TUT4: variants seen among roughly 807,000 people sequenced by gnomAD.
TUT4 encodes the protein terminal uridylyltransferase 4.
Under a neutral mutation model 192.2 loss-of-function variants are expected in TUT4, and 36 were observed. The observed-to-expected ratio is 0.19, with a 90% CI of 0.14 to 0.25. The LOEUF (loss-of-function observed/expected upper bound fraction) is 0.25, where lower values mean the gene tolerates loss of function less well. Ranked by LOEUF, TUT4 falls within the 10% of genes least tolerant of loss-of-function variation. TUT4 has a pLI of 1.00. For missense variants in TUT4, 1,493 were observed against 1,957.2 expected, an observed-to-expected ratio of 0.76 and a Z score of 4.47; for synonymous variants, 618 against 666.0, an observed-to-expected ratio of 0.93 and a Z score of 1.11.
chr1:52,481,411 A>T lies in TUT4; in HGVS notation c.1848+12T>A, dbSNP rs777519217. The T allele has an allele frequency of 6.2e-7, 1 of 1,612,484 alleles. No homozygotes were observed. The highest frequency in any genetic ancestry group is 2.2e-5 in the East Asian group (1 of 44,816). On this transcript the variant is annotated intron_variant, in intron 11 of 29. Transcript: ENST00000257177. ...GATAGAAAAGCCAAAAAACAAAAAC[A>T]AAAAGGCTTACTTTGCCATGTTTTT...
intron 1 of TUT4, among the ~76,000 whole-genome samples, chr1:52,552,013 A>AG (rs1689576949): frequency 6.6e-6 from 1 of 152,246 alleles, no homozygotes; most frequent in African/African-American, 2.4e-5. Context: ...AGATCACGAT[A>AG]GGGCAGGTCA....
At chr1:52,530,691 G>A (rs998071057) in intron 1 of TUT4, among the ~76,000 whole-genome samples, 8 of 152,060 alleles carry the variant, frequency 5.3e-5, no homozygotes, top group African/African-American at 9.7e-5. Context: ...AAGTTCTCTC[G>A]GAGGAGAGAG....
chr1:52,482,756 TA>T (rs1378193363), intron 9 of TUT4, among the ~76,000 whole-genome samples: 1 of 152,170 alleles, frequency 6.6e-6, no homozygotes, highest in Non-Finnish European at 1.5e-5. Flanking sequence ...TTTAAATGCT[TA>T]AATTATAGTC....
rs6669945 is a variant in TUT4, at chr1:52,431,209, G to A, written c.4515C>T (p.Ser1505=). 20,643 of 1,614,214 alleles carry A rather than the reference G, an allele frequency of 0.013. 432 individuals carry two copies. The highest frequency in any genetic ancestry group is 0.095 in the African/African-American group (7,143 of 75,046). ...PMHPLQIPAP[S]WPIHGPVIHS... is the part of the protein sequence containing the mutation. ...GGATCACTGGGCCATGGATGGGCCA[G>A]GACGGGGCAGGGATCTGGAGAGGGT... The change falls in exon 28 of 30, where the codon TCC becomes TCT. Residue 1505 remains serine (S), a synonymous_variant. Coordinates refer to ENST00000257177, the MANE Select transcript of TUT4 (RefSeq NM_001009881.3).
At chr1:52,425,618 G>T in intron 28 of TUT4, 111 bp from the exon 29 acceptor site, 1 of 1,289,042 alleles carries the variant, frequency 7.8e-7, no homozygotes, top group Non-Finnish European at 1.0e-6. Flanking sequence ...TAAGAACTAT[G>T]CTAAATTCAG....
chr1:52,479,356 A>C (rs1175126582), intron 11 of TUT4, among the ~76,000 whole-genome samples: 1 of 152,204 alleles, frequency 6.6e-6, no homozygotes, highest in East Asian at 1.9e-4. Context: ...AGAACAGACC[A>C]TAAGAGGAAA....
intron 1 of TUT4, among the ~76,000 whole-genome samples, chr1:52,530,533 C>T (rs538441670): frequency 7.9e-5 from 12 of 152,226 alleles, no homozygotes; most frequent in African/African-American, 2.6e-4. Context: ...TTATAATTAA[C>T]GATAATCACC....
At chr1:52,489,693 C>A (rs1176608787) in intron 8 of TUT4, among the ~76,000 whole-genome samples, 1 of 152,142 alleles carries the variant, frequency 6.6e-6, no homozygotes, top group Non-Finnish European at 1.5e-5. Flanking sequence ...CAATTTAACA[C>A]AATGTGGCAG....
At chr1:52,434,536 A>C (rs1246841136) in intron 27 of TUT4, 1 of 152,304 alleles carries the variant, frequency 6.6e-6, no homozygotes, top group African/African-American at 2.4e-5. Flanking sequence ...TCAACAAACA[A>C]TATTAAACTT....
At chr1:52,500,943 G>T (rs185307008) in intron 4 of TUT4, among the ~76,000 whole-genome samples, 2 of 151,898 alleles carry the variant, frequency 1.3e-5, no homozygotes, top group African/African-American at 4.8e-5. Context: ...AGAAAAGAAA[G>T]ATACTAAAAC....
At chr1:52,439,246 A>G (rs911133321) in intron 24 of TUT4, among the ~76,000 whole-genome samples, 4 of 152,176 alleles carry the variant, frequency 2.6e-5, no homozygotes, top group African/African-American at 9.7e-5. Flanking sequence ...CTAAAAATAA[A>G]TAAATTAACA....
rs759462090 is a variant in TUT4 at position 52,445,874 on chromosome 1, T to C, written c.3740-5A>G. ...CTTTCATGATGAAATTGGTCACTATTAAAGAAAGAAGAAAACAATAAAGAT... is the reference window on the plus strand; with the variant it reads ...CTTTCATGATGAAATTGGTCACTATCAAAGAAAGAAGAAAACAATAAAGAT... On this transcript the variant is annotated splice_region_variant and splice_polypyrimidine_tract_variant and intron_variant, in intron 23 of 29. Transcript: ENST00000257177. The C allele has an allele frequency of 6.2e-7, 1 of 1,608,512 alleles. No homozygotes were observed. The highest frequency in any genetic ancestry group is 8.5e-7 in the Non-Finnish European group (1 of 1,177,696).
Position 52,456,792 on chromosome 1 carries a change from T to A in TUT4, c.3435+1544A>T, listed in dbSNP as rs1011551016. ...GTATCATTGATTATGATAAAATGTG[T>A]ACATCATTATATATTGTCCAAACCC... On this transcript the variant is annotated intron_variant, in intron 20 of 29. Coordinates refer to ENST00000257177, the MANE Select transcript of TUT4 (RefSeq NM_001009881.3). Among the ~76,000 whole-genome samples the A allele has an allele frequency of 1.2e-4, 18 of 152,208 alleles. 1 individual carries two copies. The highest frequency in any genetic ancestry group is 3.9e-4 in the African/African-American group (16 of 41,458).
chr1:52,518,117 C>A (rs186798025), intron 2 of TUT4, among the ~76,000 whole-genome samples: 5 of 152,296 alleles, frequency 3.3e-5, no homozygotes, highest in African/African-American at 9.6e-5. Context: ...GAATTGAAAA[C>A]CTGTATCCAC....
intron 13 of TUT4, 101 bp downstream of exon 13, chr1:52,474,731 C>G: frequency 9.7e-7 from 1 of 1,028,554 alleles, no homozygotes; most frequent in Non-Finnish European, 1.4e-6. Context: ...CAAAACAAGT[C>G]ACCACTTTAT....
chr1:52,426,157 G>C (rs904390981), intron 28 of TUT4, among the ~76,000 whole-genome samples: 1 of 152,104 alleles, frequency 6.6e-6, no homozygotes, highest in African/African-American at 2.4e-5. Context: ...AGGCATTGTG[G>C]CATAATGGTT....
intron 1 of TUT4, among the ~76,000 whole-genome samples, chr1:52,542,934 T>C (rs906435552): frequency 6.6e-6 from 1 of 152,050 alleles, no homozygotes; most frequent in Admixed American, 6.6e-5. Context: ...TTTGTATTTT[T>C]AGTAGAGACA....
At chr1:52,547,780 T>C (rs796194042) in intron 1 of TUT4, among the ~76,000 whole-genome samples, 6 of 152,318 alleles carry the variant, frequency 3.9e-5, no homozygotes, top group African/African-American at 9.6e-5. Flanking sequence ...CCACATACTA[T>C]ATAATTCCTT....
chr1:52,445,721 C>A (rs994237592), intron 24 of TUT4, 66 bp downstream of exon 24: 6 of 1,232,664 alleles, frequency 4.9e-6, no homozygotes, highest in Non-Finnish European at 7.0e-6. Flanking sequence ...AGTTTGGAAA[C>A]ACAATTAAGT....
Sources: allele counts gnomAD v4.1 joint callset (sites outside exome capture counted in the v4.1 genomes callset), GRCh38; gene constraint gnomAD v4.1.1; transcripts MANE v1.5; gene names NCBI Gene and HGNC (gene_info 2026-07-23, HGNC 2026-07-21).